DSCAM: variants seen among roughly 807,000 people sequenced by gnomAD.
DSCAM encodes cell adhesion molecule DSCAM.
A neutral mutation model predicts 217.7 loss-of-function variants in DSCAM; 47 were observed. The ratio of observed to expected loss-of-function variants is 0.22; its 90% CI spans 0.17 to 0.28. DSCAM has a LOEUF of 0.28. DSCAM is among the 10% of genes least tolerant of loss of function. The pLI, the probability that DSCAM is intolerant of heterozygous loss-of-function variation, is 1.00. For missense variants in DSCAM, 2,080 were observed against 2,618.3 expected (o/e 0.79, Z 4.49); for synonymous variants, 1,056 against 1,015.3 (o/e 1.04, Z -0.76).
chr21:40,556,152 G>A (rs943939363), intron 3 of DSCAM, among the ~76,000 whole-genome samples: 10 of 152,170 alleles, frequency 6.6e-5, no homozygotes, highest in Middle Eastern at 3.4e-3. Flanking sequence ...GGAAAGACAC[G>A]TCTAATAATG....
intron 3 of DSCAM, among the ~76,000 whole-genome samples, chr21:40,413,913 T>C (rs1423321697): frequency 6.6e-6 from 1 of 152,168 alleles, no homozygotes; most frequent in East Asian, 1.9e-4. Flanking sequence ...GAAAAAAAAC[T>C]AAGAAATCTG....
At chr21:40,380,722 G>A (rs190684553) in intron 3 of DSCAM, among the ~76,000 whole-genome samples, 29 of 152,236 alleles carry the variant, frequency 1.9e-4, no homozygotes, top group Non-Finnish European at 2.9e-4. Flanking sequence ...TGTTTGAGGC[G>A]GGAAAAACTG....
At chr21:40,396,472 G>C (rs2075179324) in intron 3 of DSCAM, among the ~76,000 whole-genome samples, 1 of 152,156 alleles carries the variant, frequency 6.6e-6, no homozygotes, top group Non-Finnish European at 1.5e-5. Flanking sequence ...CAGTAATGGA[G>C]GGTGAGCAGG....
intron 10 of DSCAM, among the ~76,000 whole-genome samples, chr21:40,291,899 ATTCTCTCGCATTTGCAGTCCCTCTTCGC>A (rs2073896940): frequency 6.6e-6 from 1 of 152,270 alleles, no homozygotes; most frequent in South Asian, 2.1e-4. Context: ...TGCATCATCT[ATTCTCTCGCATTTGCAGTCCCTCTTCGC>A]TTCTCAGCAG....
At chr21:40,472,506 T>G (rs1034106994) in intron 3 of DSCAM, among the ~76,000 whole-genome samples, 5 of 152,252 alleles carry the variant, frequency 3.3e-5, no homozygotes, top group African/African-American at 9.6e-5. Context: ...TGCATCTTGT[T>G]GTATTGGATA....
chr21:40,414,059 T>C (rs1007934404), intron 3 of DSCAM, among the ~76,000 whole-genome samples: 4 of 152,168 alleles, frequency 2.6e-5, no homozygotes, highest in African/African-American at 7.2e-5. Context: ...GAAGTGACCT[T>C]AGGCTAAGCA....
chr21:40,605,559 C>T (rs772855463), intron 3 of DSCAM, among the ~76,000 whole-genome samples: 5 of 152,028 alleles, frequency 3.3e-5, no homozygotes, highest in Non-Finnish European at 5.9e-5. Flanking sequence ...TGAAAGTAGC[C>T]ATAAACAAAA....
intron 1 of DSCAM, among the ~76,000 whole-genome samples, chr21:40,822,449 A>T (rs35771458): frequency 0.44 from 61,063 of 138,206 alleles, 12,751 homozygotes; most frequent in African/African-American, 0.54. Context: ...GTTTTTTTTT[A>T]AAAAAAAAGA....
At chr21:40,188,262 T>C (rs1010308434) in intron 12 of DSCAM, among the ~76,000 whole-genome samples, 26 of 152,338 alleles carry the variant, frequency 1.7e-4, no homozygotes, top group African/African-American at 5.5e-4. Flanking sequence ...ATGTCAGGTG[T>C]AGCTCATTAA....
intron 1 of DSCAM, among the ~76,000 whole-genome samples, chr21:40,772,304 G>A (rs938589273): frequency 6.6e-6 from 1 of 152,124 alleles, no homozygotes; most frequent in Non-Finnish European, 1.5e-5. Flanking sequence ...GAGTAGCTGG[G>A]ATTACAGGCA....
chr21:40,577,747 G>A (rs2076865703), intron 3 of DSCAM, among the ~76,000 whole-genome samples: 1 of 152,218 alleles, frequency 6.6e-6, no homozygotes, highest in Non-Finnish European at 1.5e-5. Context: ...TAGGCAAAAA[G>A]TTAAAAGGAT....
At chr21:40,238,676 A>G (rs2073109467) in intron 11 of DSCAM, among the ~76,000 whole-genome samples, 1 of 152,170 alleles carries the variant, frequency 6.6e-6, no homozygotes, top group Admixed American at 6.5e-5. Flanking sequence ...CACCATCCAG[A>G]AGCATCTCTT....
intron 3 of DSCAM, among the ~76,000 whole-genome samples, chr21:40,532,160 T>C (rs1303071715): frequency 7.2e-5 from 11 of 152,236 alleles, no homozygotes. Flanking sequence ...TATGATTTAA[T>C]ACTTTATATA....
At position 40,603,958 on chromosome 21, in the gene DSCAM, G is replaced by T. The variant is rs2077082837; in HGVS notation, c.508+88852C>A. ...TTTTTTTTTTTTTCTGAGCCTCTTG[G>T]ATATGTGGTTTAGTGTCTATCATTA... On this transcript the variant is annotated intron_variant, in intron 3 of 32. Coordinates refer to ENST00000400454, the MANE Select transcript of DSCAM (RefSeq NM_001389.5). Among the ~76,000 whole-genome samples, 13 of 125,870 alleles carry T rather than the reference G, an allele frequency of 1.0e-4. No homozygotes were observed. In the South Asian group the frequency reaches 3.2e-3, roughly 31 times the overall value. The allele number at this position is 125,870 out of a possible 152,430, so 82.6% of individuals were successfully genotyped here.
At chr21:40,207,459 C>A (rs1759505073) in intron 11 of DSCAM, among the ~76,000 whole-genome samples, 1 of 152,108 alleles carries the variant, frequency 6.6e-6, no homozygotes, top group South Asian at 2.1e-4. Flanking sequence ...GTGAGCAGAT[C>A]TTTTGACCCT....
intron 3 of DSCAM, among the ~76,000 whole-genome samples, chr21:40,529,699 C>G: frequency 6.6e-6 from 1 of 152,098 alleles, no homozygotes; most frequent in East Asian, 1.9e-4. Context: ...CCAGACGTGA[C>G]TTTGAGTTTG....
At chr21:40,560,830 T>C (rs1468069697) in intron 3 of DSCAM, among the ~76,000 whole-genome samples, 1 of 152,208 alleles carries the variant, frequency 6.6e-6, no homozygotes, top group African/African-American at 2.4e-5. Flanking sequence ...AACCACATAT[T>C]GCTAGCCCGG....
At chr21:40,038,995 C>T (rs1173330839) in intron 32 of DSCAM, among the ~76,000 whole-genome samples, 1 of 126,446 alleles carries the variant, frequency 7.9e-6, no homozygotes, top group African/African-American at 3.1e-5. Context: ...GGAAGGGGAA[C>T]ATCACACTCT....
In DSCAM at chr21:40,596,424, A is replaced by G. The variant is rs1293139002; in HGVS notation, c.508+96386T>C. Among the ~76,000 whole-genome samples the G allele has an allele frequency of 2.6e-5, 4 of 152,148 alleles. 1 individual carries two copies. ...AGCGTAAGGTGACTCAGAGGCCCTC[A>G]ATGGCCATTTTTGTCAAAGAGCTTA... On this transcript the variant is annotated intron_variant, in intron 3 of 32. Coordinates refer to ENST00000400454, the MANE Select transcript of DSCAM (RefSeq NM_001389.5).
Sources: allele counts gnomAD v4.1 joint callset (sites outside exome capture counted in the v4.1 genomes callset), GRCh38; gene constraint gnomAD v4.1.1; transcripts MANE v1.5; gene names NCBI Gene and HGNC (gene_info 2026-07-23, HGNC 2026-07-21).